Variants in NAV2 observed in about 807,000 individuals in gnomAD.
NAV2 encodes the protein helicase, APC down-regulated 1.
Under a neutral mutation model 223.2 loss-of-function variants are expected in NAV2, and 54 were observed. That is an observed-to-expected ratio of 0.24 (90% CI 0.19 to 0.30). The LOEUF (loss-of-function observed/expected upper bound fraction) is 0.30. Ranked by LOEUF, NAV2 falls within the 10% of genes least tolerant of loss-of-function variation. The pLI is 1.00. For missense variants in NAV2, 2,806 were observed against 3,147.5 expected (o/e 0.89, Z 2.60); for synonymous variants, 1,279 against 1,239.3 (o/e 1.03, Z -0.67).
chr11:20,013,979 T>A (rs2053793399), intron 11 of NAV2, among the ~76,000 whole-genome samples: 1 of 152,242 alleles, frequency 6.6e-6, no homozygotes, highest in Admixed American at 6.5e-5. Flanking sequence ...AAGCTTCTGT[T>A]CTGTTCCGGT....
chr11:19,621,968 T>A (rs2047012103), intron 1 of NAV2, among the ~76,000 whole-genome samples: 1 of 152,326 alleles, frequency 6.6e-6, no homozygotes, highest in East Asian at 1.9e-4. Flanking sequence ...TTTGTTCTCA[T>A]TGGTTTCAAA....
At chr11:19,459,840 T>G (rs1852091789) in intron 1 of NAV2, among the ~76,000 whole-genome samples, 2 of 152,210 alleles carry the variant, frequency 1.3e-5, no homozygotes, top group South Asian at 4.1e-4. Context: ...AGAATGTTTT[T>G]GAGCAAGAAA....
At chr11:19,621,350 C>T (rs1361026036) in intron 1 of NAV2, among the ~76,000 whole-genome samples, 1 of 152,110 alleles carries the variant, frequency 6.6e-6, no homozygotes, top group Non-Finnish European at 1.5e-5. Flanking sequence ...CTCCTTATAC[C>T]TCTGGTAGAA....
intron 1 of NAV2, among the ~76,000 whole-genome samples, chr11:19,677,557 A>G (rs1302966696): frequency 6.6e-6 from 1 of 152,236 alleles, no homozygotes; most frequent in Admixed American, 6.5e-5. Flanking sequence ...TTGCATTTTC[A>G]AGACAGAATG....
At chr11:19,968,460 T>C (rs1200976023) in intron 10 of NAV2, among the ~76,000 whole-genome samples, 2 of 152,194 alleles carry the variant, frequency 1.3e-5, no homozygotes, top group Admixed American at 6.5e-5. Context: ...CCTCAGGTGA[T>C]CCACCCACCT....
intron 31 of NAV2, among the ~76,000 whole-genome samples, chr11:20,099,824 G>C (rs1675507032): frequency 6.6e-6 from 1 of 151,962 alleles, no homozygotes; most frequent in Non-Finnish European, 1.5e-5. Flanking sequence ...GTGTTCTAGT[G>C]GTTTTTTCCT....
intron 11 of NAV2, 142 bp downstream of exon 11, chr11:19,984,389 G>A (rs868627767): frequency 3.8e-6 from 5 of 1,318,232 alleles, no homozygotes; most frequent in African/African-American, 2.9e-5. Flanking sequence ...TGTACCTGGG[G>A]TTAGGAGCAG....
At chr11:20,105,938 G>T (rs770155779) in intron 35 of NAV2, among the ~76,000 whole-genome samples, 69 of 130,974 alleles carry the variant, frequency 5.3e-4, no homozygotes, top group Admixed American at 2.6e-3. Context: ...CTGGCCCAAT[G>T]TAGAAACTGC....
intron 1 of NAV2, among the ~76,000 whole-genome samples, chr11:19,683,468 G>T (rs2048932609): frequency 6.6e-6 from 1 of 152,344 alleles, no homozygotes; most frequent in South Asian, 2.1e-4. Context: ...AAAACATATT[G>T]TACTGAGCTC....
chr11:20,106,147 G>GTGTGTGTGTATATATATATATATATATA (rs1410520684), intron 35 of NAV2, among the ~76,000 whole-genome samples: 1 of 22,088 alleles, frequency 4.5e-5, no homozygotes, highest in African/African-American at 5.8e-5. Context: ...GTTCATATGT[G>GTGTGTGTGTATATATATATATATATATA]TGTGTGTGTA....
intron 1 of NAV2, among the ~76,000 whole-genome samples, chr11:19,663,773 T>A (rs763053185): frequency 1.3e-5 from 2 of 152,208 alleles, no homozygotes; most frequent in Non-Finnish European, 2.9e-5. Flanking sequence ...CCATCTTGGA[T>A]TCCATCAAAG....
At chr11:19,688,388 C>A (rs1386522614) in intron 1 of NAV2, among the ~76,000 whole-genome samples, 1 of 152,126 alleles carries the variant, frequency 6.6e-6, no homozygotes, top group African/African-American at 2.4e-5. Context: ...ATCCCCTAAC[C>A]CCACTGAGTG....
At chr11:19,900,190 C>G (rs1286195378) in intron 6 of NAV2, among the ~76,000 whole-genome samples, 1 of 151,730 alleles carries the variant, frequency 6.6e-6, no homozygotes, top group Non-Finnish European at 1.5e-5. Context: ...AACTCAGTGA[C>G]CAGTTAGACC....
In NAV2 at chr11:20,088,388, T is replaced by C. The variant is rs61338339; in HGVS notation, c.5499-2477T>C. On this transcript the variant is annotated intron_variant, in intron 26 of 37. Transcript: ENST00000349880. ...TTTTAGTAGAGACGGGGTTTCGCCG[T>C]GTTGGCCAGGCTTGTCTCGAACTCC... Among the ~76,000 whole-genome samples, 1,000 of 152,292 alleles carry C rather than the reference T, an allele frequency of 6.6e-3. 9 individuals are homozygous for C. Among genetic ancestry groups the C allele is most frequent in the African/African-American group, 0.022 (934 of 41,566 alleles).
intron 19 of NAV2, chr11:20,056,450 C>T (rs1194942361): frequency 6.2e-6 from 6 of 962,094 alleles, no homozygotes; most frequent in Non-Finnish European, 1.0e-5. Flanking sequence ...GTATTGTTTT[C>T]AGTTATGCCC....
chr11:19,815,154 G>A (rs1010457533), intron 1 of NAV2, among the ~76,000 whole-genome samples: 3 of 151,922 alleles, frequency 2.0e-5, no homozygotes, highest in East Asian at 3.9e-4. Flanking sequence ...ATGAAGATAC[G>A]TTTTCACACA....
chr11:20,068,941 A>T (rs1017724177), intron 22 of NAV2, among the ~76,000 whole-genome samples: 1 of 152,180 alleles, frequency 6.6e-6, no homozygotes, highest in African/African-American at 2.4e-5. Context: ...AGTGACTGAC[A>T]TCTTAACATT....
chr11:19,984,499 G>T (rs1163284613), intron 11 of NAV2, among the ~76,000 whole-genome samples: 1 of 152,154 alleles, frequency 6.6e-6, no homozygotes, highest in Admixed American at 6.5e-5. Flanking sequence ...AGGCTTGGGT[G>T]GTTTTGGTTA....
intron 10 of NAV2, among the ~76,000 whole-genome samples, chr11:19,974,567 T>C (rs1319066838): frequency 6.6e-6 from 1 of 152,202 alleles, no homozygotes; most frequent in African/African-American, 2.4e-5. Context: ...GGAAGATGGC[T>C]TGAGCCTAGT....
Sources: allele counts gnomAD v4.1 joint callset (sites outside exome capture counted in the v4.1 genomes callset), GRCh38; gene constraint gnomAD v4.1.1; transcripts MANE v1.5; gene names NCBI Gene and HGNC (gene_info 2026-07-23, HGNC 2026-07-21).